SPTLC1: variants seen among roughly 807,000 people sequenced by gnomAD.
SPTLC1 encodes serine palmitoyltransferase 1.
In SPTLC1, 55 loss-of-function variants were observed where a neutral mutation model predicts 68.9. The ratio of observed to expected loss-of-function variants is 0.80; its 90% CI spans 0.64 to 1.00. The LOEUF is 1.00. Among genes scored for constraint, SPTLC1 ranks in the 50% least tolerant of loss-of-function variants. SPTLC1 has a pLI of 0.00. For synonymous variants in SPTLC1, 197 were observed against 201.6 expected (o/e 0.98, Z 0.19); for missense variants, 449 against 573.1 (o/e 0.78, Z 2.21).
chr9:92,040,601 T>C (rs1386178950), intron 12 of SPTLC1, among the ~76,000 whole-genome samples: 1 of 151,246 alleles, frequency 6.6e-6, no homozygotes, highest in Non-Finnish European at 1.5e-5. Context: ...CTACTAAAAA[T>C]ACAAAAATTA....
chr9:92,068,132 G>A (rs1255542819), intron 5 of SPTLC1, 34 bp from the exon 6 acceptor site: 15 of 1,599,338 alleles, frequency 9.4e-6, no homozygotes, highest in Non-Finnish European at 1.3e-5. Context: ...TGGTTAAACT[G>A]CCTTATAATT....
At chr9:92,069,597 C>G (rs918489775) in intron 5 of SPTLC1, among the ~76,000 whole-genome samples, 2 of 152,184 alleles carry the variant, frequency 1.3e-5, no homozygotes, top group Non-Finnish European at 2.9e-5. Flanking sequence ...CAGGCAAAAT[C>G]TAGCAAGAAA....
intron 8 of SPTLC1, among the ~76,000 whole-genome samples, chr9:92,051,980 A>C (rs1833717802): frequency 6.6e-6 from 1 of 152,228 alleles, no homozygotes; most frequent in South Asian, 2.1e-4. Flanking sequence ...TCCCAAGTTC[A>C]TGGACTGGAA....
intron 3 of SPTLC1, among the ~76,000 whole-genome samples, chr9:92,083,274 G>T (rs1834966621): frequency 6.6e-6 from 1 of 152,152 alleles, no homozygotes; most frequent in African/African-American, 2.4e-5. Flanking sequence ...TTTGGCTTTT[G>T]TTGCCATTAC....
At chr9:92,098,126 G>A (rs1371404707) in intron 3 of SPTLC1, among the ~76,000 whole-genome samples, 6 of 152,118 alleles carry the variant, frequency 3.9e-5, no homozygotes, top group African/African-American at 1.4e-4. Flanking sequence ...CATCTCGGCA[G>A]CCATCTTGGC....
intron 6 of SPTLC1, among the ~76,000 whole-genome samples, chr9:92,064,914 A>G (rs1834229410): frequency 6.6e-6 from 1 of 152,226 alleles, no homozygotes; most frequent in African/African-American, 2.4e-5. Context: ...AAATTAACAA[A>G]CAGAACAGAT....
chr9:92,067,461 G>T (rs892200486), intron 6 of SPTLC1, among the ~76,000 whole-genome samples: 7 of 152,242 alleles, frequency 4.6e-5, no homozygotes, highest in African/African-American at 1.7e-4. Context: ...GCTGTACCCT[G>T]CCCTTCACAG....
At chr9:92,035,473 G>T (rs776999600) in intron 13 of SPTLC1, among the ~76,000 whole-genome samples, 35 of 152,146 alleles carry the variant, frequency 2.3e-4, no homozygotes, top group Non-Finnish European at 4.6e-4. Context: ...AAGAAAAAAT[G>T]AAAACAATCT....
rs1463696365 is a variant in SPTLC1, at chr9:92,080,922, A to G, written c.302T>C (p.Ile101Thr). 1.2e-6 allele frequency: 2 copies of G among 1,614,186 alleles called. No homozygotes were observed. The highest frequency in any genetic ancestry group is 1.1e-5 in the South Asian group (1 of 91,084). The change falls in exon 4 of 15, where the codon ATA becomes ACA. Residue 101 changes from isoleucine to threonine, a missense_variant. By Grantham distance (89) the Ile-to-Thr change is moderately conservative. Coordinates refer to ENST00000262554, the MANE Select transcript of SPTLC1 (RefSeq NM_006415.4). ...HKTVVNGKEC[I>T]NFASFNFLGL... ...AAGAAAATTAAATGAGGCGAAGTTT[A>G]TACATTCTTTTCCATTCACCACAGT...
intron 6 of SPTLC1, among the ~76,000 whole-genome samples, chr9:92,065,942 C>T (rs1834264202): frequency 6.6e-6 from 1 of 152,084 alleles, no homozygotes; most frequent in Non-Finnish European, 1.5e-5. Context: ...GCTGCACAAG[C>T]GTTCCAACGG....
At chr9:92,038,098 C>T (rs901314633) in intron 13 of SPTLC1, 150 bp downstream of exon 13, 14 of 735,124 alleles carry the variant, frequency 1.9e-5, no homozygotes, top group Non-Finnish European at 2.5e-5. Context: ...GATTAGGATT[C>T]CATGTCAAGA....
At chr9:92,112,608 A>G (rs1490933833) in intron 1 of SPTLC1, 46 bp from the exon 2 acceptor site, 4 of 1,241,062 alleles carry the variant, frequency 3.2e-6, no homozygotes, top group Non-Finnish European at 3.5e-6. Context: ...ATACACTTCT[A>G]ACACCTGCAC....
At chr9:92,045,485 T>TA (rs1833475805) in intron 12 of SPTLC1, among the ~76,000 whole-genome samples, 1 of 26,122 alleles carries the variant, frequency 3.8e-5, no homozygotes, top group Non-Finnish European at 7.3e-5. Context: ...CCCTAAAACT[T>TA]AAAGTATAAT....
intron 9 of SPTLC1, 84 bp downstream of exon 9, chr9:92,049,876 G>A: frequency 1.1e-6 from 1 of 950,142 alleles, no homozygotes. Flanking sequence ...ACACTGTCTT[G>A]TGCCTATAAA....
chr9:92,060,912 CAA>C (rs200973343), intron 6 of SPTLC1, among the ~76,000 whole-genome samples: 14,362 of 104,816 alleles, frequency 0.14, 1,428 homozygotes, highest in African/African-American at 0.34. Context: ...GACTCTGTCT[CAA>C]AAAAAAAAAA....
chr9:92,038,406 A>G, intron 12 of SPTLC1, 41 bp from the exon 13 acceptor site: 1 of 1,279,688 alleles, frequency 7.8e-7, no homozygotes, highest in South Asian at 1.2e-5. Context: ...AGTCCCTTCC[A>G]GGCTTGAAGA....
At position 92,047,281 on chromosome 9, in the gene SPTLC1, A is replaced by C; in HGVS notation, c.985-13T>G. The C allele has an allele frequency of 1.2e-6, 2 of 1,605,972 alleles. No individual in the cohort carries two copies. Among genetic ancestry groups the C allele is most frequent in the Non-Finnish European group, 1.7e-6 (2 of 1,173,438 alleles). On this transcript the variant is annotated splice_polypyrimidine_tract_variant and intron_variant, in intron 10 of 14. Coordinates refer to ENST00000262554, the MANE Select transcript of SPTLC1 (RefSeq NM_006415.4). ...GGCCGGAAAGTCGCTGAGAAGAAAC[A>C]AATGAAGACATATACACATTCTCTG...
At chr9:92,115,404 AGCGCGTCCCAAAAGT>A in exon 1 of SPTLC1, 1 of 1,610,110 alleles carries the variant, frequency 6.2e-7, no homozygotes, top group Non-Finnish European at 8.5e-7. Flanking sequence ...GCGGGTCACA[AGCGCGTCCCAAAAGT>A]GCGCGTCGCT....
intron 7 of SPTLC1, 118 bp downstream of exon 7, chr9:92,059,061 C>A: frequency 8.2e-7 from 1 of 1,220,472 alleles, no homozygotes; most frequent in South Asian, 1.3e-5. Context: ...AGCAGGAACA[C>A]CTTAATATCC....
Sources: allele counts gnomAD v4.1 joint callset (sites outside exome capture counted in the v4.1 genomes callset), GRCh38; gene constraint gnomAD v4.1.1; transcripts MANE v1.5; gene names NCBI Gene and HGNC (gene_info 2026-07-23, HGNC 2026-07-21).